Variants in KCNJ18 observed in about 807,000 individuals in gnomAD.
The protein encoded by KCNJ18 is potassium inwardly rectifying channel subfamily J member 18.
Under a neutral mutation model 17.3 loss-of-function variants are expected in KCNJ18, and 16 were observed. The ratio of observed to expected loss-of-function variants is 0.92; its 90% CI spans 0.62 to 1.40. KCNJ18 has a LOEUF of 1.40. KCNJ18 is among the 40% of genes most tolerant of loss of function. The pLI, the probability that KCNJ18 is intolerant of heterozygous loss-of-function variation, is 0.00. For missense variants in KCNJ18, 462 were observed against 626.8 expected, an observed-to-expected ratio of 0.74 and a Z score of 2.81; for synonymous variants, 185 against 262.6, an observed-to-expected ratio of 0.70 and a Z score of 2.86.
chr17:21,698,272 C>T (rs1905830662), intron 2 of KCNJ18, among the ~76,000 whole-genome samples: 2 of 152,010 alleles, frequency 1.3e-5, no homozygotes, highest in African/African-American at 4.8e-5. Flanking sequence ...CACAGTGACT[C>T]AATCTTCCTA....
intron 2 of KCNJ18, among the ~76,000 whole-genome samples, chr17:21,699,911 T>G (rs1401815961): frequency 7.9e-5 from 12 of 152,248 alleles, no homozygotes; most frequent in Admixed American, 4.6e-4. Flanking sequence ...TTTGAGCTGC[T>G]TGGAGCAGGG....
intron 1 of KCNJ18, among the ~76,000 whole-genome samples, chr17:21,694,963 C>T (rs1350776413): frequency 1.3e-5 from 2 of 152,094 alleles, no homozygotes; most frequent in African/African-American, 4.8e-5. Flanking sequence ...ATCCATCCAC[C>T]CAATCATCTG....
intron 1 of KCNJ18, among the ~76,000 whole-genome samples, chr17:21,694,205 G>A (rs1201435073): frequency 3.9e-5 from 6 of 152,116 alleles, no homozygotes; most frequent in African/African-American, 9.7e-5. Flanking sequence ...AACCAGCCTC[G>A]GCTGTAACCT....
intron 2 of KCNJ18, among the ~76,000 whole-genome samples, chr17:21,698,790 G>T (rs1313022367): frequency 6.6e-6 from 1 of 152,184 alleles, no homozygotes; most frequent in East Asian, 1.9e-4. Context: ...TGGACTGGTC[G>T]CTGGGAGGCT....
chr17:21,702,854 T>C lies in KCNJ18; in HGVS notation c.68T>C (p.Val23Ala). The C allele has an allele frequency of 1.2e-6, 2 of 1,600,376 alleles. No homozygotes were observed. The highest frequency in any genetic ancestry group is 1.7e-6 in the Non-Finnish European group (2 of 1,178,048). Residue 23 changes from valine to alanine, a missense_variant, in exon 3 of 3, where the codon GTC becomes GCC. Around this residue, in one of 5 missense-constraint regions of KCNJ18, gnomAD observed 237 missense variants for 259.4 expected, o/e 0.91. Coordinates refer to ENST00000567955, the MANE Select transcript of KCNJ18 (RefSeq NM_001194958.2). Reference sequence around the variant, plus strand: ...TTGGAGGAGGACGGGCTGCACCTGGTCACCATGTCGGGCGCCAACGGCTTC... The same window carrying C: ...TTGGAGGAGGACGGGCTGCACCTGGCCACCATGTCGGGCGCCAACGGCTTC... The part of the protein sequence containing the change: ...VSLEEDGLHL[V>A]TMSGANGFGN...
chr17:21,698,802 C>A (rs1222247461), intron 2 of KCNJ18, among the ~76,000 whole-genome samples: 55,898 of 143,414 alleles, frequency 0.39, 6,135 homozygotes, highest in East Asian at 0.64. Context: ...TGGGAGGCTG[C>A]GTCTGTAGGC....
intron 2 of KCNJ18, among the ~76,000 whole-genome samples, chr17:21,699,709 G>A (rs1451489162): frequency 1.3e-5 from 2 of 152,310 alleles, no homozygotes; most frequent in African/African-American, 4.8e-5. Context: ...GTCAACAGAA[G>A]TGGGGGTTTC....
At chr17:21,692,748 G>C (rs1905637416) in intron 1 of KCNJ18, 34 bp downstream of exon 1, 1 of 152,894 alleles carries the variant, frequency 6.5e-6, no homozygotes, top group South Asian at 2.1e-4. Context: ...CAGATGGGGA[G>C]TTTCAGGCCC....
Position 21,704,136 on chromosome 17 carries a change from C to T in KCNJ18, c.*48C>T. 1 of 1,479,282 alleles carries T rather than the reference C, an allele frequency of 6.8e-7. No homozygotes were observed. Among genetic ancestry groups the T allele is most frequent in the Non-Finnish European group, 9.0e-7 (1 of 1,115,510 alleles). The allele number at this position is 1,479,282 out of a possible 1,614,324, so 91.6% of individuals were successfully genotyped here. A position where few individuals can be genotyped will look rare whatever the true frequency, so the allele number is the denominator to read the frequency against. ...CATCCACCCCTGGCCGGGGAGAGGC[C>T]CCGCGGTCGCTCAGGGGCCCTGGGT... On this transcript the variant is annotated 3_prime_UTR_variant, in exon 3 of 3. Coordinates refer to ENST00000567955, the MANE Select transcript of KCNJ18 (RefSeq NM_001194958.2).
intron 2 of KCNJ18, among the ~76,000 whole-genome samples, chr17:21,697,465 G>A (rs1905794742): frequency 6.6e-6 from 1 of 152,306 alleles, no homozygotes; most frequent in Admixed American, 6.5e-5. Flanking sequence ...CCCAGATTAT[G>A]AGACATAGGA....
chr17:21,694,378 G>A (rs2142266315), intron 1 of KCNJ18, among the ~76,000 whole-genome samples: 1 of 151,928 alleles, frequency 6.6e-6, no homozygotes, highest in East Asian at 1.9e-4. Context: ...TTGACAGGTG[G>A]GGAAATTGCA....
chr17:21,699,665 G>T (rs1466573787), intron 2 of KCNJ18, among the ~76,000 whole-genome samples: 3 of 152,300 alleles, frequency 2.0e-5, no homozygotes, highest in Admixed American at 2.0e-4. Flanking sequence ...CCTTGTTGAT[G>T]CTCTCTGTGT....
intron 1 of KCNJ18, among the ~76,000 whole-genome samples, chr17:21,694,496 C>T (rs1905696115): frequency 6.6e-6 from 1 of 152,148 alleles, no homozygotes; most frequent in Non-Finnish European, 1.5e-5. Flanking sequence ...CCCACCTGCT[C>T]ATCCATCTAG....
At chr17:21,701,618 A>G (rs1905954822) in intron 2 of KCNJ18, among the ~76,000 whole-genome samples, 1 of 152,222 alleles carries the variant, frequency 6.6e-6, no homozygotes, top group African/African-American at 2.4e-5. Context: ...CCTGGGAAGG[A>G]CAACAAGAAG....
intron 2 of KCNJ18, among the ~76,000 whole-genome samples, chr17:21,699,918 AG>A (rs1368525928): frequency 3.3e-5 from 5 of 152,264 alleles, no homozygotes; most frequent in African/African-American, 1.2e-4. Context: ...TGCTTGGAGC[AG>A]GGGCTGGAGC....
At position 21,704,058 on chromosome 17, in the gene KCNJ18, G is replaced by C; in HGVS notation, c.1272G>C (p.Gln424His). The C allele has an allele frequency of 6.4e-7, 1 of 1,561,346 alleles. No homozygotes were observed. The highest frequency in any genetic ancestry group is 8.7e-7 in the Non-Finnish European group (1 of 1,154,818). ...AGGCTGGCGGCGGGGTCCTGGAGCA[G>C]CGGCCCTACAGACGGGGGTCAGAGA... is the stretch of plus-strand genomic sequence containing the variant. Reference protein sequence around the residue: ...RLQAGGGVLEQRPYRRGSEI With the variant: ...RLQAGGGVLEHRPYRRGSEI Residue 424 changes from glutamine to histidine, a missense_variant, in exon 3 of 3, where the codon CAG (glutamine) becomes CAC (histidine). Physicochemically the swap from Gln to His is conservative, Grantham distance 24. This residue lies in a region of KCNJ18 where 123 missense variants were observed against 117.5 expected (regional missense o/e 1.05). Transcript: ENST00000567955.
At chr17:21,693,611 T>A (rs1231959025) in intron 1 of KCNJ18, among the ~76,000 whole-genome samples, 1 of 152,290 alleles carries the variant, frequency 6.6e-6, no homozygotes, top group Admixed American at 6.5e-5. Context: ...GAATTGTCCC[T>A]CCTCCAAGGC....
chr17:21,703,418 T>G lies in KCNJ18; in HGVS notation c.632T>G (p.Leu211Arg), dbSNP rs1370139009. 2.5e-6 allele frequency: 4 copies of G among 1,612,688 alleles called. No homozygotes were observed. In the Admixed American group the frequency reaches 5.0e-5, roughly 20 times the overall value. ...VVALRDGKLC[L>R]MWRVGNLRKS... ...GCCCTGCGTGACGGCAAGCTCTGCC[T>G]CATGTGGCGTGTGGGCAACCTGCGC... The change falls in exon 3 of 3, where the codon CTC becomes CGC. Residue 211 changes from leucine (L) to arginine (R), a missense_variant. Coordinates refer to ENST00000567955, the MANE Select transcript of KCNJ18 (RefSeq NM_001194958.2).
At chr17:21,701,917 G>GA (rs1158263106) in intron 2 of KCNJ18, among the ~76,000 whole-genome samples, 3,948 of 26,110 alleles carry the variant, frequency 0.15, 41 homozygotes, top group African/African-American at 0.33. Flanking sequence ...GTCTAAAAAA[G>GA]AAAAAAAAAA....
Sources: gnomAD v4.1 joint callset for allele counts (sites outside exome capture counted in the v4.1 genomes callset) on GRCh38, gnomAD v4.1.1 for gene constraint, gnomAD v4.1.1 regional missense constraint, MANE v1.5 for transcripts, NCBI Gene and HGNC (gene_info 2026-07-23, HGNC 2026-07-21) for gene names.